Variants in ARID5B observed in about 807,000 individuals in gnomAD.
ARID5B encodes AT-rich interactive domain-containing protein 5B.
A neutral mutation model predicts 97.2 loss-of-function variants in ARID5B; 13 were observed. The observed-to-expected ratio is 0.13, with a 90% CI of 0.09 to 0.21. ARID5B has a LOEUF of 0.21. Among genes scored for constraint, ARID5B ranks in the 10% least tolerant of loss-of-function variants. The pLI is 1.00. For synonymous variants in ARID5B, 556 were observed against 570.3 expected (o/e 0.97, Z 0.36); for missense variants, 1,210 against 1,465.3 (o/e 0.83, Z 2.84).
intron 4 of ARID5B, among the ~76,000 whole-genome samples, chr10:62,010,211 G>C (rs10995002): frequency 0.024 from 3,595 of 152,278 alleles, 200 homozygotes; most frequent in Admixed American, 0.14. Context: ...TGCAGCAGTG[G>C]TAAAGGAGTG....
At chr10:62,007,181 C>T (rs374506842) in intron 4 of ARID5B, among the ~76,000 whole-genome samples, 1 of 152,124 alleles carries the variant, frequency 6.6e-6, no homozygotes, top group Non-Finnish European at 1.5e-5. Flanking sequence ...AGTCTATGTT[C>T]GCTTGACTTA....
chr10:61,922,365 G>T (rs553250355), intron 2 of ARID5B, among the ~76,000 whole-genome samples: 1 of 152,264 alleles, frequency 6.6e-6, no homozygotes, highest in Non-Finnish European at 1.5e-5. Flanking sequence ...CACTTTGGGA[G>T]GCCAAGGCGG....
chr10:61,904,899 T>C (rs898455850), intron 2 of ARID5B, among the ~76,000 whole-genome samples: 1 of 152,228 alleles, frequency 6.6e-6, no homozygotes, highest in Non-Finnish European at 1.5e-5. Flanking sequence ...GTGATGTCAT[T>C]TCCCCCCTGG....
chr10:61,902,392 C>G lies in ARID5B; in HGVS notation c.255C>G (p.Gly85=). The stretch of plus-strand genomic sequence containing the variant: ...TCCTCCCAGAAGACACTCCCCAGGG[C>G]AGAAATAGCGACCATGGCGAGGTGG... ...LYFLPEDTPQ[G]RNSDHGEDEV... Residue 85 remains glycine, a synonymous_variant, in exon 2 of 10, where the codon GGC becomes GGG. Coordinates refer to ENST00000279873, the MANE Select transcript of ARID5B (RefSeq NM_032199.3). 1 of 1,614,114 alleles carries G rather than the reference C, an allele frequency of 6.2e-7. No individual in the cohort carries two copies. The highest frequency in any genetic ancestry group is 8.5e-7 in the Non-Finnish European group (1 of 1,179,962).
intron 4 of ARID5B, among the ~76,000 whole-genome samples, chr10:62,013,815 T>TATATATATATATATAC (rs915920250): frequency 4.7e-4 from 69 of 147,424 alleles, no homozygotes; most frequent in Admixed American, 3.6e-4. Context: ...TATATATATA[T>TATATATATATATATAC]ACCACATTTT....
At chr10:61,959,608 C>T (rs985485077) in intron 3 of ARID5B, among the ~76,000 whole-genome samples, 3 of 152,170 alleles carry the variant, frequency 2.0e-5, no homozygotes, top group Admixed American at 6.5e-5. Context: ...TATGTAAACA[C>T]ACATTTTCTT....
intron 8 of ARID5B, among the ~76,000 whole-genome samples, chr10:62,072,936 T>C (rs897537292): frequency 1.3e-5 from 2 of 152,228 alleles, no homozygotes; most frequent in Admixed American, 1.3e-4. Context: ...GGCTAAAACT[T>C]CATGATTATG....
chr10:62,065,461 T>G (rs572603263), intron 7 of ARID5B, among the ~76,000 whole-genome samples: 13 of 152,298 alleles, frequency 8.5e-5, no homozygotes, highest in African/African-American at 1.9e-4. Context: ...TGGATGGTGA[T>G]GTGAATCTGT....
In ARID5B at chr10:61,940,281, C is replaced by T. The variant is rs370446097; in HGVS notation, c.375C>T (p.His125=). The change falls in exon 3 of 10, where the codon CAC becomes CAT. Residue 125 remains histidine, a synonymous_variant. Transcript: ENST00000279873. ...TCTCCAAGTGGAGATGTGGCTTCCA[C>T]GCTGGACCAGTGAAAACTGAGGCCT... ...SDFSKWRCGF[H]AGPVKTEALG... 3.0e-4 allele frequency: 477 copies of T among 1,614,166 alleles called. 2 individuals carry two copies. The highest frequency in any genetic ancestry group is 3.7e-4 in the Non-Finnish European group (432 of 1,180,014).
intron 4 of ARID5B, among the ~76,000 whole-genome samples, chr10:62,029,066 C>T (rs1589264821): frequency 6.6e-6 from 1 of 152,166 alleles, no homozygotes; most frequent in East Asian, 1.9e-4. Flanking sequence ...ATCTGCTCGC[C>T]TCCATCTGCT....
intron 7 of ARID5B, among the ~76,000 whole-genome samples, chr10:62,059,605 G>C (rs1306890903): frequency 6.6e-6 from 1 of 152,134 alleles, no homozygotes; most frequent in Admixed American, 6.5e-5. Flanking sequence ...AGCCAAGATT[G>C]CATAAAAGAA....
chr10:61,968,187 TACAC>T (rs33990104), intron 3 of ARID5B, among the ~76,000 whole-genome samples: 2,725 of 138,254 alleles, frequency 0.02, 33 homozygotes, highest in Non-Finnish European at 0.025. Flanking sequence ...CACATATTTA[TACAC>T]ACACACACAC....
chr10:61,901,728 C>A lies in ARID5B; in HGVS notation c.19C>A (p.Gln7Lys). The change falls in exon 1 of 10, where the codon CAG (glutamine) becomes AAG (lysine). Residue 7 changes from glutamine (Q) to lysine (K), a missense_variant and splice_region_variant. Transcript: ENST00000279873. Reference protein sequence around the residue: MEPNSLQWVGSPCGLHG... With the variant: MEPNSLKWVGSPCGLHG... Reference sequence around the variant, plus strand: ...CGTCGAGATGGAGCCCAACTCACTCCAGGTATTTCGCTCTCCTCCGCTCCT... The same window carrying A: ...CGTCGAGATGGAGCCCAACTCACTCAAGGTATTTCGCTCTCCTCCGCTCCT... The A allele has an allele frequency of 6.2e-7, 1 of 1,613,898 alleles. No individual in the cohort carries two copies. Among genetic ancestry groups the A allele is most frequent in the Non-Finnish European group, 8.5e-7 (1 of 1,179,950 alleles).
chr10:62,062,226 G>A (rs1839929989), intron 7 of ARID5B, among the ~76,000 whole-genome samples: 1 of 152,176 alleles, frequency 6.6e-6, no homozygotes, highest in South Asian at 2.1e-4. Flanking sequence ...GTTACTAGAG[G>A]ACACTTATCT....
At position 62,071,567 on chromosome 10, in the gene ARID5B, A is replaced by AGAG. The variant is rs1554849730; in HGVS notation, c.1199+1770_1199+1771insGAG. Among the ~76,000 whole-genome samples, 1,204 of 146,808 alleles carry AGAG rather than the reference A, an allele frequency of 8.2e-3. 17 individuals are homozygous for AGAG. The highest frequency in any genetic ancestry group is 0.019 in the African/African-American group (765 of 40,062). ...AGTATCACATGGTAAAAAAAAAAAAAAGAGAGAAGGTTTGGCATGGAGAGA... is the reference window on the plus strand; with the variant it reads ...AGTATCACATGGTAAAAAAAAAAAAAGAGAGAGAGAAGGTTTGGCATGGAGAGA... On this transcript the variant is annotated intron_variant, in intron 8 of 9. Transcript: ENST00000279873.
At chr10:62,089,122 A>G (rs546581099) in intron 9 of ARID5B, among the ~76,000 whole-genome samples, 17 of 152,220 alleles carry the variant, frequency 1.1e-4, no homozygotes, top group African/African-American at 4.1e-4. Context: ...ATTAGATGCA[A>G]TTTGCCTTTT....
intron 8 of ARID5B, among the ~76,000 whole-genome samples, chr10:62,079,521 C>T (rs1840181839): frequency 6.6e-6 from 1 of 152,206 alleles, no homozygotes; most frequent in African/African-American, 2.4e-5. Context: ...TGAGGTTTCT[C>T]TACCTTCCCA....
chr10:61,928,147 C>G (rs1345031920), intron 2 of ARID5B, among the ~76,000 whole-genome samples: 2 of 152,108 alleles, frequency 1.3e-5, no homozygotes. Context: ...TTCTGGTAAT[C>G]ACTCCCACCC....
At position 62,000,447 on chromosome 10, in the gene ARID5B, CT is replaced by C; in HGVS notation, c.733+127del. ...ACAAGCCCCATGTGCTGCCCCACCC[CT>C]CCCATCCCCCAAATTATTGCGGCAT... On this transcript the variant is annotated intron_variant, in intron 4 of 9. Coordinates refer to ENST00000279873, the MANE Select transcript of ARID5B (RefSeq NM_032199.3). The surrounding 1 kb of genome is among the most constrained non-coding windows in gnomAD (Gnocchi z 4.4). 1.2e-6 allele frequency: 1 copy of C among 814,670 alleles called. No individual in the cohort carries two copies. The highest frequency in any genetic ancestry group is 1.9e-6 in the Non-Finnish European group (1 of 528,298). 50.5% of individuals were successfully genotyped at this position (814,670 alleles called of 1,614,324 possible).
Sources: gnomAD v4.1 joint callset for allele counts (sites outside exome capture counted in the v4.1 genomes callset) on GRCh38, gnomAD v4.1.1 for gene constraint, Gnocchi (gnomAD v3.1) non-coding constraint, MANE v1.5 for transcripts, NCBI Gene and HGNC (gene_info 2026-07-23, HGNC 2026-07-21) for gene names.